Variants in CNTNAP5 observed in about 807,000 individuals in gnomAD.
The protein encoded by CNTNAP5 is contactin-associated protein-like 5.
CNTNAP5 carries 72 observed loss-of-function variants against 150.2 expected under a neutral mutation model. That is an observed-to-expected ratio of 0.48 (90% CI 0.40 to 0.58). The LOEUF is 0.58. Ranked by LOEUF, CNTNAP5 falls within the 20% of genes least tolerant of loss-of-function variation. CNTNAP5 has a pLI of 0.00. For missense variants in CNTNAP5, 1,636 were observed against 1,626.2 expected, an observed-to-expected ratio of 1.01 and a Z score of -0.10; for synonymous variants, 672 against 619.8, an observed-to-expected ratio of 1.08 and a Z score of -1.25.
chr2:124,763,563 C>CT, intron 14 of CNTNAP5, 109 bp from the exon 15 acceptor site: 1 of 1,012,032 alleles, frequency 9.9e-7, no homozygotes. Flanking sequence ...CTCTCTGCCC[C>CT]TACCCTGCTG....
At chr2:124,348,657 T>C (rs933318190) in intron 3 of CNTNAP5, among the ~76,000 whole-genome samples, 2 of 152,196 alleles carry the variant, frequency 1.3e-5, no homozygotes, top group Non-Finnish European at 1.5e-5. Flanking sequence ...AACATCCAAT[T>C]TGGCACATAA....
chr2:124,365,882 AAT>A (rs1690358926), intron 3 of CNTNAP5, among the ~76,000 whole-genome samples: 1 of 152,190 alleles, frequency 6.6e-6, no homozygotes, highest in Non-Finnish European at 1.5e-5. Flanking sequence ...TCTTGCATCA[AAT>A]AGTCAATTAT....
At chr2:124,225,958 T>C (rs2104746058) in intron 2 of CNTNAP5, among the ~76,000 whole-genome samples, 1 of 152,308 alleles carries the variant, frequency 6.6e-6, no homozygotes, top group African/African-American at 2.4e-5. Flanking sequence ...GTTTTCTTTT[T>C]TATGGATGAA....
intron 1 of CNTNAP5, among the ~76,000 whole-genome samples, chr2:124,074,894 T>TTAG (rs1682401212): frequency 6.6e-6 from 1 of 152,182 alleles, no homozygotes; most frequent in Non-Finnish European, 1.5e-5. Context: ...CCTCATTTAC[T>TTAG]GTGAGCAAAG....
Position 124,918,925 on chromosome 2 carries a change from T to C in CNTNAP5, c.*4637T>C, listed in dbSNP as rs1678820471. On this transcript the variant is annotated 3_prime_UTR_variant, in exon 24 of 24. Coordinates refer to ENST00000682447, the MANE Select transcript of CNTNAP5 (RefSeq NM_001367498.1). Reference sequence around the variant, plus strand: ...TTTTCTGTCTCATGCAGTTTGAACATGTTTTCTTTAAAATACACATAATGT... The same window carrying C: ...TTTTCTGTCTCATGCAGTTTGAACACGTTTTCTTTAAAATACACATAATGT... 1.3e-5 allele frequency among the ~76,000 whole-genome samples: 2 copies of C among 152,136 alleles called. No homozygotes were observed. The highest frequency in any genetic ancestry group is 4.8e-5 in the African/African-American group (2 of 41,454).
chr2:124,229,753 T>C (rs1292818179), intron 2 of CNTNAP5, among the ~76,000 whole-genome samples: 3 of 152,100 alleles, frequency 2.0e-5, no homozygotes, highest in African/African-American at 4.8e-5. Flanking sequence ...TGGTGGTATA[T>C]AGCATGAAGC....
At chr2:124,860,728 G>T (rs1677507612) in intron 19 of CNTNAP5, among the ~76,000 whole-genome samples, 2 of 152,016 alleles carry the variant, frequency 1.3e-5, no homozygotes, top group South Asian at 4.1e-4. Context: ...ACACAACACA[G>T]TACATGTTAG....
intron 1 of CNTNAP5, 106 bp downstream of exon 1, chr2:124,025,838 G>GA: frequency 1.0e-6 from 1 of 983,822 alleles, no homozygotes; most frequent in Non-Finnish European, 1.6e-6. Context: ...TTGGGCAAAG[G>GA]AAACGGAAAA....
At chr2:124,510,305 A>ATATATATATC (rs1558933307) in intron 8 of CNTNAP5, among the ~76,000 whole-genome samples, 20 of 96,278 alleles carry the variant, frequency 2.1e-4, no homozygotes, top group African/African-American at 8.2e-4. Context: ...ATATATCTAT[A>ATATATATATC]TATATATCTA....
intron 3 of CNTNAP5, among the ~76,000 whole-genome samples, chr2:124,416,763 A>G (rs1456429516): frequency 6.6e-6 from 1 of 152,054 alleles, no homozygotes; most frequent in Non-Finnish European, 1.5e-5. Flanking sequence ...CAATTACTTC[A>G]ATAAAATCCT....
chr2:124,530,721 T>G (rs1255073068), intron 10 of CNTNAP5, among the ~76,000 whole-genome samples: 2 of 152,114 alleles, frequency 1.3e-5, no homozygotes, highest in Admixed American at 6.6e-5. Context: ...CAGTAGGAAT[T>G]AGAATAAGGC....
Position 124,798,424 on chromosome 2 carries a change from C to T in CNTNAP5, c.3217+104C>T, listed in dbSNP as rs188396461. On this transcript the variant is annotated intron_variant, in intron 19 of 23. Coordinates refer to ENST00000682447, the MANE Select transcript of CNTNAP5 (RefSeq NM_001367498.1). ...AATTTCAACCTCAAGTTGGTCCCATCTGGGAAGCTTATTTCCAGACTTCCA... is the reference window on the plus strand; with the variant it reads ...AATTTCAACCTCAAGTTGGTCCCATTTGGGAAGCTTATTTCCAGACTTCCA... 6.3e-4 allele frequency: 493 copies of T among 781,904 alleles called. 2 individuals are homozygous for T. The African/African-American group carries it at 7.7e-3, about 12-fold the overall frequency. The allele number at this position is 781,904 out of a possible 1,614,324, so 48.4% of individuals were successfully genotyped here.
At chr2:124,397,443 G>A (rs1691280364) in intron 3 of CNTNAP5, among the ~76,000 whole-genome samples, 1 of 152,086 alleles carries the variant, frequency 6.6e-6, no homozygotes, top group African/African-American at 2.4e-5. Context: ...TTCTTAGAAA[G>A]GCACTAATTC....
chr2:124,219,141 G>A (rs1686239055), intron 1 of CNTNAP5, among the ~76,000 whole-genome samples: 1 of 151,964 alleles, frequency 6.6e-6, no homozygotes, highest in Non-Finnish European at 1.5e-5. Flanking sequence ...CTTGAGCAAT[G>A]TATGGTTGAG....
intron 2 of CNTNAP5, among the ~76,000 whole-genome samples, chr2:124,239,200 T>G (rs1368650145): frequency 6.6e-6 from 1 of 152,186 alleles, no homozygotes; most frequent in Admixed American, 6.5e-5. Flanking sequence ...TTTTTTGTTT[T>G]GGTTTGTCTT....
intron 3 of CNTNAP5, among the ~76,000 whole-genome samples, chr2:124,301,995 G>A (rs1254338590): frequency 6.6e-6 from 1 of 152,150 alleles, no homozygotes; most frequent in Non-Finnish European, 1.5e-5. Context: ...TAATCCAATA[G>A]GACTGATGTC....
intron 1 of CNTNAP5, among the ~76,000 whole-genome samples, chr2:124,138,293 G>A (rs1020171956): frequency 2.6e-5 from 4 of 152,158 alleles, no homozygotes; most frequent in Admixed American, 1.3e-4. Flanking sequence ...AAGAGGGCAG[G>A]CATAAGCCAA....
At chr2:124,530,362 C>T (rs1389713448) in intron 10 of CNTNAP5, among the ~76,000 whole-genome samples, 1 of 152,064 alleles carries the variant, frequency 6.6e-6, no homozygotes, top group Non-Finnish European at 1.5e-5. Flanking sequence ...GCATTCCTAC[C>T]TGAGGCACAA....
chr2:124,444,401 C>T lies in CNTNAP5; in HGVS notation c.734-2352C>T, dbSNP rs144396007. 3.4e-3 allele frequency among the ~76,000 whole-genome samples: 524 copies of T among 152,086 alleles called. 2 individuals carry two copies. Among genetic ancestry groups the T allele is most frequent in the South Asian group, 0.012 (58 of 4,796 alleles). Reference sequence around the variant, plus strand: ...TTGAGGTCAGGAGTTCAAGACCAGCCGGGTCAATGTGGTGAAAACCCGTTT... The same window carrying T: ...TTGAGGTCAGGAGTTCAAGACCAGCTGGGTCAATGTGGTGAAAACCCGTTT... On this transcript the variant is annotated intron_variant, in intron 5 of 23. Transcript: ENST00000682447.
Sources: allele counts gnomAD v4.1 joint callset (sites outside exome capture counted in the v4.1 genomes callset), GRCh38; gene constraint gnomAD v4.1.1; transcripts MANE v1.5; gene names NCBI Gene and HGNC (gene_info 2026-07-23, HGNC 2026-07-21).